The following DLGAP1 variants were observed in gnomAD, a reference collection of about 807,000 sequenced individuals.
The protein encoded by DLGAP1 is disks large-associated protein 1.
In DLGAP1, 11 loss-of-function variants were observed where a neutral mutation model predicts 90.8. That is an observed-to-expected ratio of 0.12 (90% confidence interval 0.08 to 0.20). The LOEUF (loss-of-function observed/expected upper bound fraction) is 0.20, where lower values mean the gene tolerates loss of function less well. Among genes scored for constraint, DLGAP1 ranks in the 10% least tolerant of loss-of-function variants. The probability of loss-of-function intolerance (pLI) is 1.00; values close to 1 mark genes in which losing one functional copy is unlikely to be tolerated. For synonymous variants in DLGAP1, 558 were observed against 540.7 expected, an observed-to-expected ratio of 1.03 and a Z score of -0.44; for missense variants, 1,050 against 1,333.8, an observed-to-expected ratio of 0.79 and a Z score of 3.31.
chr18:3,793,333 G>A (rs571685910), intron 5 of DLGAP1, among the ~76,000 whole-genome samples: 5 of 152,124 alleles, frequency 3.3e-5, no homozygotes, highest in South Asian at 2.1e-4. Flanking sequence ...TCACTGTCCC[G>A]GAGGGCTGTG....
At chr18:4,427,264 G>C (rs2083178452) in intron 1 of DLGAP1, among the ~76,000 whole-genome samples, 1 of 152,184 alleles carries the variant, frequency 6.6e-6, no homozygotes, top group Non-Finnish European at 1.5e-5. Flanking sequence ...GAGCAACCTA[G>C]CAGATGGGGT....
At chr18:4,388,518 A>C (rs1416342394) in intron 1 of DLGAP1, among the ~76,000 whole-genome samples, 3 of 152,124 alleles carry the variant, frequency 2.0e-5, no homozygotes, top group African/African-American at 7.2e-5. Context: ...ATAGTTCAGG[A>C]ACAGAACCAT....
At chr18:3,656,352 T>A in intron 7 of DLGAP1, 1 of 477,274 alleles carries the variant, frequency 2.1e-6, no homozygotes, top group Non-Finnish European at 3.7e-6. Flanking sequence ...AAAAATGGGA[T>A]CAAACATGTT....
intron 1 of DLGAP1, among the ~76,000 whole-genome samples, chr18:4,225,851 G>A (rs957813290): frequency 6.6e-6 from 1 of 151,944 alleles, no homozygotes; most frequent in African/African-American, 2.4e-5. Context: ...GCCTTAAAAA[G>A]GACAGAGAGA....
intron 2 of DLGAP1, among the ~76,000 whole-genome samples, chr18:4,050,125 C>T (rs563895484): frequency 1.3e-5 from 2 of 152,304 alleles, no homozygotes; most frequent in South Asian, 4.1e-4. Context: ...AAGTCGCTGT[C>T]TCATGCATTG....
intron 12 of DLGAP1, among the ~76,000 whole-genome samples, chr18:3,501,231 TA>T (rs35211484): frequency 0.76 from 110,471 of 145,070 alleles, 41,914 homozygotes; most frequent in South Asian, 0.88. Context: ...AATGATTATT[TA>T]AAAAAAAAAA....
intron 2 of DLGAP1, among the ~76,000 whole-genome samples, chr18:4,093,979 A>C (rs961551882): frequency 3.9e-5 from 6 of 152,130 alleles, no homozygotes; most frequent in African/African-American, 9.7e-5. Flanking sequence ...CGCTCCACTT[A>C]TTTAAATTTT....
chr18:3,928,390 T>C (rs551469890), intron 3 of DLGAP1, among the ~76,000 whole-genome samples: 3 of 152,340 alleles, frequency 2.0e-5, no homozygotes, highest in South Asian at 2.1e-4. Flanking sequence ...AAGTTCATTA[T>C]GTGCCTTCAA....
At chr18:4,155,012 A>C (rs1239819938) in intron 1 of DLGAP1, among the ~76,000 whole-genome samples, 1 of 152,182 alleles carries the variant, frequency 6.6e-6, no homozygotes, top group Non-Finnish European at 1.5e-5. Context: ...AGAAAAACAG[A>C]CCAAGGTAAG....
At chr18:4,451,899 A>G (rs760715964) in intron 1 of DLGAP1, among the ~76,000 whole-genome samples, 11 of 152,234 alleles carry the variant, frequency 7.2e-5, no homozygotes, top group Non-Finnish European at 1.5e-4. Context: ...GGCATAGATT[A>G]TAACTATGAG....
chr18:3,875,338 G>A (rs1246069545), intron 4 of DLGAP1, among the ~76,000 whole-genome samples: 2 of 152,104 alleles, frequency 1.3e-5, no homozygotes, highest in African/African-American at 2.4e-5. Flanking sequence ...TGTGTTCCTG[G>A]GCAAATGATT....
chr18:4,058,933 G>A (rs940457234), intron 2 of DLGAP1, among the ~76,000 whole-genome samples: 7 of 152,172 alleles, frequency 4.6e-5, no homozygotes, highest in Non-Finnish European at 7.3e-5. Context: ...TCACCATAAG[G>A]TCATGGAGAC....
intron 7 of DLGAP1, among the ~76,000 whole-genome samples, chr18:3,647,012 G>A (rs901322943): frequency 6.6e-6 from 1 of 152,054 alleles, no homozygotes; most frequent in African/African-American, 2.4e-5. Flanking sequence ...ACTTTGAGAG[G>A]CTGAGGTGGG....
At chr18:4,186,186 C>T (rs188073769) in intron 1 of DLGAP1, among the ~76,000 whole-genome samples, 103 of 152,078 alleles carry the variant, frequency 6.8e-4, no homozygotes, top group Non-Finnish European at 1.2e-3. Flanking sequence ...AGACCTTTTT[C>T]GGATGCATAG....
rs2082054853 is a variant in DLGAP1, at chr18:4,378,316, A to C, written c.-267+76690T>G. Among the ~76,000 whole-genome samples the C allele has an allele frequency of 6.6e-6, 1 of 151,836 alleles. No homozygotes were observed. Among genetic ancestry groups the C allele is most frequent in the South Asian group, 2.1e-4 (1 of 4,828 alleles). Reference sequence around the variant, plus strand: ...TTGTGTTACTTACATTGAACATGTAACTCTATCACTTTTCAATTAAAAATT... The same window carrying C: ...TTGTGTTACTTACATTGAACATGTACCTCTATCACTTTTCAATTAAAAATT... On this transcript the variant is annotated intron_variant, in intron 1 of 12. Coordinates refer to ENST00000315677, the MANE Select transcript of DLGAP1 (RefSeq NM_004746.4). This position sits in a 1 kb window ranked among gnomAD's most constrained non-coding sequence, Gnocchi z 4.5.
At position 3,605,015 on chromosome 18, in the gene DLGAP1, T is replaced by C. The variant is rs1351436053; in HGVS notation, c.1592-22767A>G. Among the ~76,000 whole-genome samples the C allele has an allele frequency of 3.3e-5, 5 of 152,222 alleles. No individual in the cohort carries two copies. In the East Asian group the frequency reaches 9.6e-4, roughly 29 times the overall value. On this transcript the variant is annotated intron_variant, in intron 7 of 12. Coordinates refer to ENST00000315677, the MANE Select transcript of DLGAP1 (RefSeq NM_004746.4). ...ACTTAGTCTCACTGGGTCTGTCTTT[T>C]CTGTTTCCAAACTATTGTGTACACT... is the stretch of plus-strand genomic sequence containing the variant.
At chr18:3,600,729 G>T (rs771929606) in intron 7 of DLGAP1, among the ~76,000 whole-genome samples, 5,520 of 26,486 alleles carry the variant, frequency 0.21, 1,946 homozygotes, top group Middle Eastern at 0.29. Context: ...TAGAGATATA[G>T]ATATATATAG....
At chr18:3,697,992 G>A (rs561247920) in intron 7 of DLGAP1, among the ~76,000 whole-genome samples, 1 of 152,134 alleles carries the variant, frequency 6.6e-6, no homozygotes, top group African/African-American at 2.4e-5. Context: ...TTTTATCAGA[G>A]ACTAGGATTG....
At chr18:4,411,814 C>T (rs948153413) in intron 1 of DLGAP1, among the ~76,000 whole-genome samples, 1 of 152,174 alleles carries the variant, frequency 6.6e-6, no homozygotes, top group African/African-American at 2.4e-5. Flanking sequence ...GGGCACCTAA[C>T]AGCATGATGG....
Sources: allele counts gnomAD v4.1 joint callset (sites outside exome capture counted in the v4.1 genomes callset), GRCh38; gene constraint gnomAD v4.1.1; non-coding constraint Gnocchi (gnomAD v3.1); transcripts MANE v1.5; gene names NCBI Gene and HGNC (gene_info 2026-07-23, HGNC 2026-07-21).